Variants in TRDMT1 observed in about 807,000 individuals in gnomAD.
The protein encoded by TRDMT1 is tRNA aspartic acid methyltransferase 1, also known as tRNA (cytosine(38)-C(5))-methyltransferase.
Under a neutral mutation model 51.2 loss-of-function variants are expected in TRDMT1, and 49 were observed. The observed-to-expected ratio is 0.96, with a 90% CI of 0.76 to 1.21. TRDMT1 has a LOEUF of 1.21. TRDMT1 is among the 50% of genes most tolerant of loss of function. The pLI, the probability that TRDMT1 is intolerant of heterozygous loss-of-function variation, is 0.00. For synonymous variants in TRDMT1, 187 were observed against 164.6 expected, an observed-to-expected ratio of 1.14 and a Z score of -1.04; for missense variants, 534 against 462.3, an observed-to-expected ratio of 1.16 and a Z score of -1.42.
chr10:17,161,046 A>G (rs1840278236), intron 5 of TRDMT1, among the ~76,000 whole-genome samples: 1 of 152,162 alleles, frequency 6.6e-6, no homozygotes. Context: ...AGCTGACTCA[A>G]GGACTCGGGT....
chr10:17,164,390 T>C (rs1396699285), intron 3 of TRDMT1, among the ~76,000 whole-genome samples: 3 of 152,176 alleles, frequency 2.0e-5, no homozygotes, highest in Admixed American at 6.5e-5. Flanking sequence ...GAGCTATCTA[T>C]GACAAACCCA....
At position 17,147,347 on chromosome 10, in the gene TRDMT1, T is replaced by G. The variant is rs755471257; in HGVS notation, c.*1693A>C. The G allele has an allele frequency of 4.1e-6, 4 of 985,246 alleles. No homozygotes were observed. The highest frequency in any genetic ancestry group is 4.8e-6 in the Non-Finnish European group (4 of 829,796). 61.0% of individuals were successfully genotyped at this position (985,246 alleles called of 1,614,324 possible). ...GCTTCCCTACATTCATATTTATCTATGAGTTCTGAAAAATTGGTAATAGAG... is the reference window on the plus strand; with the variant it reads ...GCTTCCCTACATTCATATTTATCTAGGAGTTCTGAAAAATTGGTAATAGAG... On this transcript the variant is annotated 3_prime_UTR_variant, in exon 11 of 11. Transcript: ENST00000377799.
At chr10:17,156,270 T>A (rs935840192) in intron 8 of TRDMT1, among the ~76,000 whole-genome samples, 1 of 151,894 alleles carries the variant, frequency 6.6e-6, no homozygotes, top group Non-Finnish European at 1.5e-5. Context: ...AGTCTCACTC[T>A]GTCGCCCAGG....
rs1433481464 is a variant in TRDMT1, at chr10:17,147,944, C to T, written c.*1096G>A. 4 of 972,394 alleles carry T rather than the reference C, an allele frequency of 4.1e-6. No individual in the cohort carries two copies. Among genetic ancestry groups the T allele is most frequent in the Middle Eastern group, 5.3e-4 (1 of 1,880 alleles). The allele number at this position is 972,394 out of a possible 1,614,324, so 60.2% of individuals were successfully genotyped here. ...TACGTTCCCACAAGCAATGCACAAA[C>T]TTCCAATTTATCCACCTCTAAATAG... On this transcript the variant is annotated 3_prime_UTR_variant, in exon 11 of 11. Coordinates refer to ENST00000377799, the MANE Select transcript of TRDMT1 (RefSeq NM_004412.7).
Position 17,154,736 on chromosome 10 carries a change from T to G in TRDMT1, c.888-2A>C, listed in dbSNP as rs1022819093. The G allele has an allele frequency of 6.2e-7, 1 of 1,602,086 alleles. No homozygotes were observed. Among genetic ancestry groups the G allele is most frequent in the Non-Finnish European group, 8.5e-7 (1 of 1,174,774 alleles). The stretch of plus-strand genomic sequence containing the variant: ...GTCCCTTCTATGTAGCTTCCATATC[T>G]GAAAAATCAACACAACAATTATGCA... On this transcript the variant is annotated splice_acceptor_variant, in intron 8 of 10. Transcript: ENST00000377799. LOFTEE classifies it high-confidence loss of function.
intron 1 of TRDMT1, among the ~76,000 whole-genome samples, chr10:17,185,124 T>C (rs369813387): frequency 7.2e-5 from 11 of 152,244 alleles, no homozygotes; most frequent in African/African-American, 2.7e-4. Context: ...TAATAGGACA[T>C]GGACATCTTT....
In TRDMT1 at chr10:17,149,086, A is replaced by G. The variant is rs763348982; in HGVS notation, c.1130T>C (p.Leu377Pro). ...TAGTTTAGCTACTACATGCACGTTG[A>G]GACTATTTCCAAGTAGGCGATAACG... ...KQRYRLLGNSLNVHVVAKLIK... is the reference protein window; with the variant it reads ...KQRYRLLGNSPNVHVVAKLIK... Residue 377 changes from leucine (L) to proline (P), a missense_variant, in exon 11 of 11, where the codon CTC (leucine) becomes CCC (proline). Coordinates refer to ENST00000377799, the MANE Select transcript of TRDMT1 (RefSeq NM_004412.7). 6.2e-7 allele frequency: 1 copy of G among 1,611,812 alleles called. No homozygotes were observed. Among genetic ancestry groups the G allele is most frequent in the Admixed American group, 1.7e-5 (1 of 59,856 alleles).
rs1396207927 is a variant in TRDMT1 at position 17,162,347 on chromosome 10, T to C, written c.252-110A>G. On this transcript the variant is annotated intron_variant, in intron 3 of 10. Transcript: ENST00000377799. ...AAGTCAAAAGGAGAATAAAAATAAG[T>C]TGGTCCTCACAAAAAATAGGGTCAT... The C allele has an allele frequency of 9.9e-6, 10 of 1,005,148 alleles. No individual in the cohort carries two copies. In the East Asian group the frequency reaches 2.6e-4, roughly 26 times the overall value. The allele number at this position is 1,005,148 out of a possible 1,614,324, so 62.3% of individuals were successfully genotyped here.
At chr10:17,185,771 C>T (rs553237658) in intron 1 of TRDMT1, among the ~76,000 whole-genome samples, 48 of 152,096 alleles carry the variant, frequency 3.2e-4, no homozygotes, top group Non-Finnish European at 6.2e-4. Context: ...ATGGATGAAG[C>T]TGGAAACCAT....
chr10:17,157,781 G>A lies in TRDMT1; in HGVS notation c.547C>T (p.Leu183=), dbSNP rs115493360. The change falls in exon 8 of 11, where the codon CTG becomes TTG. Residue 183 remains leucine (L), a synonymous_variant. Coordinates refer to ENST00000377799, the MANE Select transcript of TRDMT1 (RefSeq NM_004412.7). ...PLPFQAPGQV[L]MEFPKIESVH... ...GATTCAATTTTGGGGAACTCCATCAGTACCTGGCATTACATAAAAATACAC... is the reference window on the plus strand; with the variant it reads ...GATTCAATTTTGGGGAACTCCATCAATACCTGGCATTACATAAAAATACAC... 2,778 of 1,559,358 alleles carry A rather than the reference G, an allele frequency of 1.8e-3. 38 individuals carry two copies. In the African/African-American group the frequency reaches 0.034, roughly 19 times the overall value.
At chr10:17,177,348 C>T (rs1006288345) in intron 1 of TRDMT1, among the ~76,000 whole-genome samples, 4 of 151,868 alleles carry the variant, frequency 2.6e-5, no homozygotes, top group South Asian at 2.1e-4. Flanking sequence ...ACTACAGACA[C>T]TTGCCACCAC....
intron 1 of TRDMT1, among the ~76,000 whole-genome samples, chr10:17,192,690 A>T (rs1844850386): frequency 6.6e-6 from 1 of 152,204 alleles, no homozygotes; most frequent in Non-Finnish European, 1.5e-5. Flanking sequence ...CAGCTTCTTT[A>T]CTTCTCAAAA....
At chr10:17,182,620 A>G (rs1843407692) in intron 1 of TRDMT1, among the ~76,000 whole-genome samples, 1 of 152,174 alleles carries the variant, frequency 6.6e-6, no homozygotes, top group South Asian at 2.1e-4. Flanking sequence ...AGAGTCTTCA[A>G]TTTGGGGAGT....
Position 17,141,178 on chromosome 10 carries a change from T to C in TRDMT1, c.*7862A>G, listed in dbSNP as rs556629042. ...GCTGCTTTTATTTATTTATTTATTTTTTTGAGACGGAGTCTCACTCTGTCA... is the reference window on the plus strand; with the variant it reads ...GCTGCTTTTATTTATTTATTTATTTCTTTGAGACGGAGTCTCACTCTGTCA... On this transcript the variant is annotated 3_prime_UTR_variant, in exon 11 of 11. Coordinates refer to ENST00000377799, the MANE Select transcript of TRDMT1 (RefSeq NM_004412.7). 2.6e-5 allele frequency among the ~76,000 whole-genome samples: 4 copies of C among 152,220 alleles called. No homozygotes were observed. The highest frequency in any genetic ancestry group is 9.6e-5 in the African/African-American group (4 of 41,460).
Position 17,148,985 on chromosome 10 carries a change from T to C in TRDMT1, c.*55A>G. Reference sequence around the variant, plus strand: ...TTAGTTCAAAACAGAATTTCAGAATTACTCTCTGAAAATGAAGGAATATCA... The same window carrying C: ...TTAGTTCAAAACAGAATTTCAGAATCACTCTCTGAAAATGAAGGAATATCA... On this transcript the variant is annotated 3_prime_UTR_variant, in exon 11 of 11. Coordinates refer to ENST00000377799, the MANE Select transcript of TRDMT1 (RefSeq NM_004412.7). The C allele has an allele frequency of 6.7e-7, 1 of 1,493,754 alleles. No homozygotes were observed. The highest frequency in any genetic ancestry group is 2.4e-5 in the East Asian group (1 of 41,524). The allele number at this position is 1,493,754 out of a possible 1,614,324, so 92.5% of individuals were successfully genotyped here.
chr10:17,189,322 C>T (rs1486907160), intron 1 of TRDMT1, among the ~76,000 whole-genome samples: 2 of 152,088 alleles, frequency 1.3e-5, no homozygotes, highest in East Asian at 3.8e-4. Context: ...AAGATGATGT[C>T]TTCATAGCGA....
chr10:17,186,712 A>C (rs1018790871), intron 1 of TRDMT1, among the ~76,000 whole-genome samples: 3 of 152,204 alleles, frequency 2.0e-5, no homozygotes, highest in Non-Finnish European at 2.9e-5. Context: ...AGATGTAAAG[A>C]AAATATTTAT....
chr10:17,190,301 A>G (rs752837887), intron 1 of TRDMT1, among the ~76,000 whole-genome samples: 2 of 152,134 alleles, frequency 1.3e-5, no homozygotes, highest in Non-Finnish European at 2.9e-5. Flanking sequence ...CAAACTGTAC[A>G]TGTAACCTTG....
Position 17,142,245 on chromosome 10 carries a change from T to G in TRDMT1, c.*6795A>C, listed in dbSNP as rs530894507. On this transcript the variant is annotated 3_prime_UTR_variant, in exon 11 of 11. Transcript: ENST00000377799. Reference sequence around the variant, plus strand: ...ATTTTACATCGTATCCTGAACCTTTTGTCTATTATTTTAATCTTTTATTTT... The same window carrying G: ...ATTTTACATCGTATCCTGAACCTTTGGTCTATTATTTTAATCTTTTATTTT... The G allele has an allele frequency of 6.6e-6, 1 of 152,344 alleles. No individual in the cohort carries two copies. Among genetic ancestry groups the G allele is most frequent in the South Asian group, 2.1e-4 (1 of 4,830 alleles). The allele number at this position is 152,344 out of a possible 1,614,324, so 9.4% of individuals were successfully genotyped here.
Sources: gnomAD v4.1 joint callset for allele counts (sites outside exome capture counted in the v4.1 genomes callset) on GRCh38, gnomAD v4.1.1 for gene constraint, MANE v1.5 for transcripts, NCBI Gene and HGNC (gene_info 2026-07-23, HGNC 2026-07-21) for gene names.